Variants in MBOAT2 observed in about 807,000 individuals in gnomAD.
MBOAT2 encodes the protein membrane bound glycerophospholipid O-acyltransferase 2.
A neutral mutation model predicts 63.4 loss-of-function variants in MBOAT2; 28 were observed. The ratio of observed to expected loss-of-function variants is 0.44; its 90% CI spans 0.33 to 0.61. MBOAT2 has a LOEUF of 0.61. Among genes scored for constraint, MBOAT2 ranks in the 20% least tolerant of loss-of-function variants. MBOAT2 has a pLI of 0.03. For synonymous variants in MBOAT2, 211 were observed against 215.6 expected, an observed-to-expected ratio of 0.98 and a Z score of 0.19; for missense variants, 470 against 605.8, an observed-to-expected ratio of 0.78 and a Z score of 2.35.
intron 9 of MBOAT2, among the ~76,000 whole-genome samples, chr2:8,864,820 T>G (rs2148511902): frequency 6.6e-6 from 1 of 152,280 alleles, no homozygotes; most frequent in South Asian, 2.1e-4. Context: ...AGAGGGGGCC[T>G]TTCATCTCCC....
chr2:8,935,183 G>A (rs115832453), intron 3 of MBOAT2, among the ~76,000 whole-genome samples: 1,576 of 152,294 alleles, frequency 0.01, 18 homozygotes, highest in Admixed American at 0.014. Context: ...AGAACACCAG[G>A]AGACTACGGC....
At chr2:8,945,749 C>T (rs991617526) in intron 2 of MBOAT2, among the ~76,000 whole-genome samples, 11 of 151,762 alleles carry the variant, frequency 7.2e-5, no homozygotes, top group African/African-American at 2.2e-4. Flanking sequence ...TGTCACAAAA[C>T]GTTAGTTTGT....
intron 4 of MBOAT2, among the ~76,000 whole-genome samples, chr2:8,895,113 A>G (rs1357168555): frequency 6.6e-6 from 1 of 152,262 alleles, no homozygotes; most frequent in African/African-American, 2.4e-5. Flanking sequence ...GTGAAGAGCA[A>G]AAGAATAAAA....
chr2:8,988,097 G>A (rs1054524684), intron 1 of MBOAT2, among the ~76,000 whole-genome samples: 2 of 152,272 alleles, frequency 1.3e-5, no homozygotes, highest in South Asian at 2.1e-4. Context: ...AAAACATTAT[G>A]AAGTACCTCA....
intron 1 of MBOAT2, among the ~76,000 whole-genome samples, chr2:8,963,993 T>G (rs1289158789): frequency 1.3e-5 from 2 of 152,210 alleles, no homozygotes; most frequent in East Asian, 3.8e-4. Flanking sequence ...GCCCATGCTA[T>G]TCTACTTCCA....
chr2:8,996,225 T>C (rs1223363048), intron 1 of MBOAT2, among the ~76,000 whole-genome samples: 8 of 152,164 alleles, frequency 5.3e-5, no homozygotes, highest in African/African-American at 1.9e-4. Context: ...TCATTCTGAG[T>C]ATCAGAGACG....
intron 3 of MBOAT2, among the ~76,000 whole-genome samples, chr2:8,942,087 T>C (rs1251693712): frequency 6.6e-6 from 1 of 152,078 alleles, no homozygotes; most frequent in Non-Finnish European, 1.5e-5. Context: ...TCTCTTCTTA[T>C]AAAAATAAAA....
At chr2:8,873,887 G>A (rs775922887) in intron 7 of MBOAT2, among the ~76,000 whole-genome samples, 8 of 152,250 alleles carry the variant, frequency 5.3e-5, no homozygotes, top group African/African-American at 7.2e-5. Context: ...GCAATAGTGC[G>A]GTAAGGTCGC....
intron 1 of MBOAT2, among the ~76,000 whole-genome samples, chr2:8,987,754 C>T (rs1023294348): frequency 1.3e-5 from 2 of 152,130 alleles, no homozygotes; most frequent in Admixed American, 6.5e-5. Flanking sequence ...TTCCTCACAA[C>T]GTGGTGGCTG....
chr2:8,888,138 T>G (rs983490457), intron 4 of MBOAT2, 65 bp from the exon 5 acceptor site: 1 of 1,437,838 alleles, frequency 7.0e-7, no homozygotes, highest in Non-Finnish European at 9.7e-7. Context: ...TTATGACATA[T>G]GAGTTAAGAG....
chr2:8,979,349 T>G (rs1229997020), intron 1 of MBOAT2, among the ~76,000 whole-genome samples: 1 of 152,178 alleles, frequency 6.6e-6, no homozygotes, highest in African/African-American at 2.4e-5. Context: ...TTTATTTTTC[T>G]TTTTTAGAGT....
Position 8,996,531 on chromosome 2 carries a change from G to A in MBOAT2, c.75+7009C>T, listed in dbSNP as rs73912907. On this transcript the variant is annotated intron_variant, in intron 1 of 12. Coordinates refer to ENST00000305997, the MANE Select transcript of MBOAT2 (RefSeq NM_138799.4). ...CAGGAGATGAGAGGATGGGAGAAGCGAGAGGCAGGGGCATGCTCTCCCGGC... is the reference window on the plus strand; with the variant it reads ...CAGGAGATGAGAGGATGGGAGAAGCAAGAGGCAGGGGCATGCTCTCCCGGC... Among the ~76,000 whole-genome samples the A allele has an allele frequency of 5.2e-3, 786 of 152,226 alleles. 5 individuals are homozygous for A. The highest frequency in any genetic ancestry group is 0.017 in the African/African-American group (707 of 41,526).
chr2:8,892,612 A>G (rs1255921200), intron 4 of MBOAT2, among the ~76,000 whole-genome samples: 3 of 152,166 alleles, frequency 2.0e-5, no homozygotes, highest in African/African-American at 7.2e-5. Flanking sequence ...TAAACAAATA[A>G]ACAGGTAAAA....
intron 6 of MBOAT2, among the ~76,000 whole-genome samples, chr2:8,878,832 T>C (rs1271938431): frequency 2.0e-5 from 3 of 152,056 alleles, no homozygotes; most frequent in Non-Finnish European, 4.4e-5. Flanking sequence ...ATCCCAGCAC[T>C]TTGGGAGGCC....
intron 1 of MBOAT2, among the ~76,000 whole-genome samples, chr2:8,973,870 TA>T (rs2103317505): frequency 6.6e-6 from 1 of 152,302 alleles, no homozygotes; most frequent in Admixed American, 6.5e-5. Flanking sequence ...AAGTATTTAA[TA>T]TATACTGACA....
At chr2:8,936,897 G>T (rs1667708110) in intron 3 of MBOAT2, among the ~76,000 whole-genome samples, 1 of 151,984 alleles carries the variant, frequency 6.6e-6, no homozygotes, top group African/African-American at 2.4e-5. Context: ...AACTTCTCAA[G>T]GTTAACAGGC....
intron 1 of MBOAT2, among the ~76,000 whole-genome samples, chr2:8,978,729 A>G (rs1671000879): frequency 1.3e-5 from 2 of 152,096 alleles, no homozygotes; most frequent in African/African-American, 4.8e-5. Context: ...CCTAAAACCT[A>G]AATGACGGGT....
In MBOAT2 at chr2:8,910,730, T is replaced by C. The variant is rs982505199; in HGVS notation, c.300-2014A>G. On this transcript the variant is annotated intron_variant, in intron 3 of 12. Transcript: ENST00000305997. ...GTCTAAAAGAGATTTGTGGGTGTAGTTTCTGTCTAATGTAGAGGATTACAA... is the reference window on the plus strand; with the variant it reads ...GTCTAAAAGAGATTTGTGGGTGTAGCTTCTGTCTAATGTAGAGGATTACAA... Among the ~76,000 whole-genome samples the C allele has an allele frequency of 2.7e-4, 41 of 152,132 alleles. 1 individual carries two copies. The highest frequency in any genetic ancestry group is 2.9e-5 in the Non-Finnish European group (2 of 68,012).
At chr2:8,894,882 T>C (rs1172129127) in intron 4 of MBOAT2, among the ~76,000 whole-genome samples, 9 of 152,052 alleles carry the variant, frequency 5.9e-5, no homozygotes, top group Non-Finnish European at 1.3e-4. Flanking sequence ...GAGTTGTTCG[T>C]TCCTCCCAGT....
Sources: allele counts gnomAD v4.1 joint callset (sites outside exome capture counted in the v4.1 genomes callset), GRCh38; gene constraint gnomAD v4.1.1; transcripts MANE v1.5; gene names NCBI Gene and HGNC (gene_info 2026-07-23, HGNC 2026-07-21).